The following ANO4 variants were observed in gnomAD, a reference collection of about 807,000 sequenced individuals.
The protein encoded by ANO4 is anoctamin 4.
A neutral mutation model predicts 141.9 loss-of-function variants in ANO4; 69 were observed. That is an observed-to-expected ratio of 0.49 (90% CI 0.40 to 0.59). ANO4 has a LOEUF of 0.59. Among genes scored for constraint, ANO4 ranks in the 20% least tolerant of loss-of-function variants. The probability of loss-of-function intolerance (pLI) is 0.00; values close to 1 mark genes in which losing one functional copy is unlikely to be tolerated. For synonymous variants in ANO4, 350 were observed against 394.3 expected, an observed-to-expected ratio of 0.89 and a Z score of 1.33; for missense variants, 894 against 1,162.2, an observed-to-expected ratio of 0.77 and a Z score of 3.36.
chr12:100,989,296 A>T (rs2044927026), intron 8 of ANO4, among the ~76,000 whole-genome samples: 1 of 152,228 alleles, frequency 6.6e-6, no homozygotes, highest in South Asian at 2.1e-4. Context: ...TGTTTTCTTA[A>T]GAGAAAAAGA....
intron 3 of ANO4, among the ~76,000 whole-genome samples, chr12:100,935,747 G>A (rs889071719): frequency 1.3e-5 from 2 of 152,166 alleles, no homozygotes; most frequent in African/African-American, 2.4e-5. Flanking sequence ...TCTGCCCGTG[G>A]TAGGCACTGA....
At chr12:101,004,386 A>T (rs1449431834) in intron 8 of ANO4, among the ~76,000 whole-genome samples, 3 of 151,944 alleles carry the variant, frequency 2.0e-5, no homozygotes, top group East Asian at 3.9e-4. Flanking sequence ...GAGTGAGCCT[A>T]GTTTGGGGAG....
chr12:100,853,039 A>G (rs1423085850), intron 1 of ANO4, among the ~76,000 whole-genome samples: 1 of 152,218 alleles, frequency 6.6e-6, no homozygotes, highest in Non-Finnish European at 1.5e-5. Flanking sequence ...CATTTCCCTG[A>G]TGACTAATGA....
chr12:100,966,441 G>A (rs2043657205), intron 5 of ANO4, among the ~76,000 whole-genome samples: 2 of 152,158 alleles, frequency 1.3e-5, no homozygotes, highest in South Asian at 4.1e-4. Flanking sequence ...CAACCTCACA[G>A]TCCGAATTGC....
At chr12:100,799,062 A>C (rs1374435699) in intron 1 of ANO4, among the ~76,000 whole-genome samples, 1 of 152,138 alleles carries the variant, frequency 6.6e-6, no homozygotes, top group Non-Finnish European at 1.5e-5. Context: ...TCACAGAGAG[A>C]TATCTTCAAG....
At position 100,872,128 on chromosome 12, in the gene ANO4, TATTCATTC is replaced by T. The variant is rs565490193; in HGVS notation, c.-140-29504_-140-29497del. Among the ~76,000 whole-genome samples, 230 of 152,214 alleles carry T rather than the reference TATTCATTC, an allele frequency of 1.5e-3. 1 individual carries two copies. The highest frequency in any genetic ancestry group is 6.0e-3 in the Admixed American group (91 of 15,284). On this transcript the variant is annotated intron_variant, in intron 1 of 27. Coordinates refer to ENST00000392977, the MANE Select transcript of ANO4 (RefSeq NM_001286615.2). ...GGCCTTGGATTAACTTTCTCAATAT[TATTCATTC>T]ATTCATTCATTCAACATTTATTGAA...
intron 3 of ANO4, among the ~76,000 whole-genome samples, chr12:100,742,274 A>T (rs1000225374): frequency 6.6e-6 from 1 of 152,118 alleles, no homozygotes; most frequent in East Asian, 1.9e-4. Context: ...CAATTATTAC[A>T]TTTATTTGAT....
intron 3 of ANO4, among the ~76,000 whole-genome samples, chr12:100,930,597 T>A (rs998445124): frequency 3.9e-5 from 6 of 152,124 alleles, no homozygotes; most frequent in African/African-American, 7.2e-5. Flanking sequence ...ATATTTTTTT[T>A]AAATCTCATG....
intron 16 of ANO4, among the ~76,000 whole-genome samples, chr12:101,085,285 T>G (rs1401985208): frequency 6.6e-6 from 1 of 152,118 alleles, no homozygotes; most frequent in Non-Finnish European, 1.5e-5. Context: ...GTCACAAAAC[T>G]TTTTGGAGTC....
chr12:100,946,771 A>C (rs939993875), intron 5 of ANO4, among the ~76,000 whole-genome samples: 5 of 152,176 alleles, frequency 3.3e-5, no homozygotes, highest in Non-Finnish European at 7.3e-5. Flanking sequence ...AAGAGGTCCA[A>C]GGATTGAGCC....
chr12:100,797,143 T>C (rs1193145603), intron 1 of ANO4, among the ~76,000 whole-genome samples: 1 of 151,512 alleles, frequency 6.6e-6, no homozygotes, highest in African/African-American at 2.4e-5. Context: ...TATATATATA[T>C]ATACACACAT....
chr12:100,975,576 G>C (rs1473418652), intron 7 of ANO4, among the ~76,000 whole-genome samples: 1 of 151,212 alleles, frequency 6.6e-6, no homozygotes, highest in Admixed American at 6.6e-5. Context: ...GAGTAGCTGG[G>C]ATCACAGGCA....
chr12:100,960,848 C>T (rs929672624), intron 5 of ANO4, among the ~76,000 whole-genome samples: 5 of 152,004 alleles, frequency 3.3e-5, no homozygotes, highest in Non-Finnish European at 7.4e-5. Context: ...AAAGTTGTCC[C>T]CAAGTTCAGT....
intron 1 of ANO4, among the ~76,000 whole-genome samples, chr12:100,878,577 C>G (rs1348453528): frequency 6.6e-6 from 1 of 152,194 alleles, no homozygotes; most frequent in East Asian, 1.9e-4. Context: ...GGACCCTTAA[C>G]TGAGTTGAGT....
chr12:101,102,850 C>T (rs1050004372), intron 22 of ANO4, among the ~76,000 whole-genome samples: 4 of 151,726 alleles, frequency 2.6e-5, no homozygotes, highest in African/African-American at 4.8e-5. Context: ...AATGGTATAC[C>T]TTTGCATTTA....
At chr12:101,014,578 C>T (rs572466983) in intron 8 of ANO4, among the ~76,000 whole-genome samples, 46 of 152,270 alleles carry the variant, frequency 3.0e-4, no homozygotes, top group African/African-American at 9.9e-4. Flanking sequence ...CCTTCACAAA[C>T]GCAGGAGAAA....
At chr12:101,101,568 C>T (rs2050188569) in intron 22 of ANO4, among the ~76,000 whole-genome samples, 1 of 151,944 alleles carries the variant, frequency 6.6e-6, no homozygotes, top group African/African-American at 2.4e-5. Flanking sequence ...ACCCCTATAC[C>T]ACCATCAATC....
At chr12:100,872,987 A>G (rs928533370) in intron 1 of ANO4, among the ~76,000 whole-genome samples, 2 of 152,178 alleles carry the variant, frequency 1.3e-5, no homozygotes, top group Non-Finnish European at 2.9e-5. Context: ...GTTGTTTAAA[A>G]GTGTGCAGCA....
intron 3 of ANO4, among the ~76,000 whole-genome samples, chr12:100,756,034 T>C (rs1416898156): frequency 1.3e-5 from 2 of 152,222 alleles, no homozygotes; most frequent in Admixed American, 6.5e-5. Flanking sequence ...TCTTCACATG[T>C]CATTATTTTA....
Sources: gnomAD v4.1 joint callset for allele counts (sites outside exome capture counted in the v4.1 genomes callset) on GRCh38, gnomAD v4.1.1 for gene constraint, MANE v1.5 for transcripts, NCBI Gene and HGNC (gene_info 2026-07-23, HGNC 2026-07-21) for gene names.